The following MSRA variants were observed in gnomAD, a reference collection of about 807,000 sequenced individuals.
MSRA encodes the protein mitochondrial peptide methionine sulfoxide reductase.
A neutral mutation model predicts 31.3 loss-of-function variants in MSRA; 54 were observed. That is an observed-to-expected ratio of 1.73 (90% CI 1.39 to 2.17). The LOEUF (loss-of-function observed/expected upper bound fraction) is 2.17. Ranked by LOEUF, MSRA falls within the 30% of genes most tolerant of loss-of-function variation. MSRA has a pLI of 0.00. For synonymous variants in MSRA, 169 were observed against 116.5 expected, an observed-to-expected ratio of 1.45 and a Z score of -2.90; for missense variants, 507 against 300.9, an observed-to-expected ratio of 1.69 and a Z score of -5.07.
At chr8:10,300,497 C>T (rs1461752499) in intron 3 of MSRA, among the ~76,000 whole-genome samples, 3 of 152,054 alleles carry the variant, frequency 2.0e-5, no homozygotes, top group Non-Finnish European at 4.4e-5. Flanking sequence ...CTCAAGTGAT[C>T]CGCCTGCCTT....
At position 10,283,335 on chromosome 8, in the gene MSRA, T is replaced by G. The variant is rs1256253014; in HGVS notation, c.332-18199T>G. On this transcript the variant is annotated intron_variant, in intron 3 of 5. Transcript: ENST00000317173. ...GCTGCCTTCAGAACCCTCTTCATAT[T>G]TATTAGGAGTATTGTGCTCCTATCC... is the stretch of plus-strand genomic sequence containing the variant. Among the ~76,000 whole-genome samples, 14 of 152,164 alleles carry G rather than the reference T, an allele frequency of 9.2e-5. 1 individual carries two copies. The highest frequency in any genetic ancestry group is 3.4e-4 in the African/African-American group (14 of 41,432).
chr8:10,195,948 G>C (rs1239992477), intron 1 of MSRA, among the ~76,000 whole-genome samples: 1 of 152,218 alleles, frequency 6.6e-6, no homozygotes, highest in Admixed American at 6.5e-5. Flanking sequence ...GTGTTCAAGG[G>C]TGAAAGGTTG....
intron 1 of MSRA, among the ~76,000 whole-genome samples, chr8:10,078,290 C>T (rs1798097432): frequency 6.6e-6 from 1 of 152,196 alleles, no homozygotes; most frequent in African/African-American, 2.4e-5. Context: ...GAGTGTAATA[C>T]CCATGGTAGA....
intron 5 of MSRA, among the ~76,000 whole-genome samples, chr8:10,384,901 C>G (rs1052613868): frequency 5.3e-5 from 8 of 152,090 alleles, no homozygotes; most frequent in African/African-American, 1.9e-4. Flanking sequence ...GCTCAGGAAG[C>G]TGAGCCAGAA....
At chr8:10,366,585 G>C (rs1563399546) in intron 5 of MSRA, among the ~76,000 whole-genome samples, 1 of 152,222 alleles carries the variant, frequency 6.6e-6, no homozygotes, top group Non-Finnish European at 1.5e-5. Flanking sequence ...TTTGGCCAGA[G>C]AGTGGCATCT....
rs992056612 is a variant in MSRA at position 10,283,946 on chromosome 8, G to T, written c.332-17588G>T. On this transcript the variant is annotated intron_variant, in intron 3 of 5. Transcript: ENST00000317173. Reference sequence around the variant, plus strand: ...GTTCTGCATTTTGCAATTGTGAATTGTGCTGCTATAAACATGCATGTGCAA... The same window carrying T: ...GTTCTGCATTTTGCAATTGTGAATTTTGCTGCTATAAACATGCATGTGCAA... Among the ~76,000 whole-genome samples the T allele has an allele frequency of 1.3e-4, 20 of 150,842 alleles. No homozygotes were observed. In the Middle Eastern group the frequency reaches 0.01, roughly 79 times the overall value.
At chr8:10,170,041 TA>T (rs1382294520) in intron 1 of MSRA, among the ~76,000 whole-genome samples, 8 of 118,878 alleles carry the variant, frequency 6.7e-5, no homozygotes, top group South Asian at 2.9e-4. Context: ...GCCTGGCTAA[TA>T]TTTTTTTTTT....
chr8:10,296,009 A>T (rs1800521820), intron 3 of MSRA, among the ~76,000 whole-genome samples: 1 of 152,230 alleles, frequency 6.6e-6, no homozygotes, highest in Admixed American at 6.5e-5. Flanking sequence ...AAGAAAAAGA[A>T]TTAGAAAAAT....
intron 3 of MSRA, among the ~76,000 whole-genome samples, chr8:10,266,274 A>G (rs1317031161): frequency 2.0e-5 from 3 of 152,116 alleles, no homozygotes; most frequent in Admixed American, 2.0e-4. Flanking sequence ...CAGTCTTTTT[A>G]CTTCTAGTGA....
At chr8:10,074,058 CTTTTTTTTTTTT>C (rs534642712) in intron 1 of MSRA, among the ~76,000 whole-genome samples, 41 of 29,448 alleles carry the variant, frequency 1.4e-3, no homozygotes, top group East Asian at 3.4e-3. Context: ...AAGGGAGGTG[CTTTTTTTTTTTT>C]TTTTTTTTTT....
At chr8:10,198,817 G>C (rs1021687674) in intron 1 of MSRA, among the ~76,000 whole-genome samples, 1 of 152,120 alleles carries the variant, frequency 6.6e-6, no homozygotes, top group Non-Finnish European at 1.5e-5. Flanking sequence ...TTGTAGCAAT[G>C]GGAGTCTCGC....
At chr8:10,074,052 G>C (rs1417029707) in intron 1 of MSRA, among the ~76,000 whole-genome samples, 1 of 55,396 alleles carries the variant, frequency 1.8e-5, no homozygotes, top group Non-Finnish European at 3.9e-5. Flanking sequence ...TTGTCTAAGG[G>C]AGGTGCTTTT....
intron 4 of MSRA, among the ~76,000 whole-genome samples, chr8:10,310,167 T>A (rs972112183): frequency 2.6e-5 from 4 of 152,208 alleles, no homozygotes; most frequent in Non-Finnish European, 5.9e-5. Flanking sequence ...CATCTGCAAA[T>A]AATTAGACAG....
chr8:10,206,536 C>A (rs1808992714), intron 1 of MSRA, among the ~76,000 whole-genome samples: 1 of 152,204 alleles, frequency 6.6e-6, no homozygotes, highest in Admixed American at 6.5e-5. Context: ...CTTCCGTGAC[C>A]TAGTCTCGGT....
intron 1 of MSRA, among the ~76,000 whole-genome samples, chr8:10,070,444 T>C (rs1797672336): frequency 6.6e-6 from 1 of 152,228 alleles, no homozygotes; most frequent in African/African-American, 2.4e-5. Context: ...TGAGATAATG[T>C]TAGATTTACA....
At chr8:10,125,743 C>G (rs1801454163) in intron 1 of MSRA, among the ~76,000 whole-genome samples, 1 of 152,184 alleles carries the variant, frequency 6.6e-6, no homozygotes, top group Non-Finnish European at 1.5e-5. Flanking sequence ...GGAATTGGTC[C>G]ACAAAGGTAT....
intron 5 of MSRA, among the ~76,000 whole-genome samples, chr8:10,426,538 T>G (rs1027827075): frequency 6.6e-6 from 1 of 152,200 alleles, no homozygotes; most frequent in Admixed American, 6.5e-5. Flanking sequence ...AAGAATAGCT[T>G]CTTCTTTTAC....
intron 1 of MSRA, among the ~76,000 whole-genome samples, chr8:10,085,044 G>A (rs886736241): frequency 2.0e-5 from 3 of 152,128 alleles, no homozygotes; most frequent in Admixed American, 2.0e-4. Flanking sequence ...ATCGTACTAT[G>A]GTTTTAAATA....
intron 3 of MSRA, among the ~76,000 whole-genome samples, chr8:10,285,394 G>C (rs1044890128): frequency 3.3e-5 from 5 of 152,130 alleles, no homozygotes; most frequent in Admixed American, 3.3e-4. Context: ...TATTTATGGA[G>C]TACAGGGTGA....
Sources: allele counts gnomAD v4.1 joint callset (sites outside exome capture counted in the v4.1 genomes callset), GRCh38; gene constraint gnomAD v4.1.1; transcripts MANE v1.5; gene names NCBI Gene and HGNC (gene_info 2026-07-23, HGNC 2026-07-21).